ZFR: variants seen among roughly 807,000 people sequenced by gnomAD.
The protein encoded by ZFR is zinc finger RNA binding protein.
A neutral mutation model predicts 130.7 loss-of-function variants in ZFR; 19 were observed. That is an observed-to-expected ratio of 0.15 (90% confidence interval 0.10 to 0.21). The LOEUF (loss-of-function observed/expected upper bound fraction) is 0.21. ZFR is among the 10% of genes least tolerant of loss of function. The probability of loss-of-function intolerance (pLI) is 1.00; values close to 1 mark genes in which losing one functional copy is unlikely to be tolerated. For synonymous variants in ZFR, 466 were observed against 456.9 expected (o/e 1.02, Z -0.25); for missense variants, 872 against 1,321.5 (o/e 0.66, Z 5.27).
intron 2 of ZFR, among the ~76,000 whole-genome samples, chr5:32,438,132 CATTT>C (rs557051881): frequency 1.0e-3 from 159 of 151,826 alleles, no homozygotes; most frequent in Non-Finnish European, 1.9e-3. Flanking sequence ...TTGAATACTT[CATTT>C]GTTTTATTCC....
intron 5 of ZFR, among the ~76,000 whole-genome samples, chr5:32,414,264 G>A (rs1753773817): frequency 1.3e-5 from 2 of 152,280 alleles, no homozygotes; most frequent in South Asian, 4.1e-4. Flanking sequence ...AGAAATCTCT[G>A]AGAAATAAAA....
intron 2 of ZFR, among the ~76,000 whole-genome samples, chr5:32,440,961 G>A (rs1238315496): frequency 1.3e-5 from 2 of 152,070 alleles, no homozygotes; most frequent in African/African-American, 2.4e-5. Context: ...AGAAAACTAA[G>A]AGCTGGAATT....
intron 1 of ZFR, 49 bp from the exon 2 acceptor site, chr5:32,444,377 G>A: frequency 2.0e-6 from 3 of 1,515,188 alleles, no homozygotes; most frequent in Non-Finnish European, 2.7e-6. Context: ...AAGAGACACA[G>A]AGGAGCCGAG....
chr5:32,387,790 T>C (rs1384549632), intron 13 of ZFR, 91 bp from the exon 14 acceptor site: 3 of 1,304,306 alleles, frequency 2.3e-6, no homozygotes, highest in African/African-American at 1.5e-5. Flanking sequence ...GAAATAACTT[T>C]TGTGCCATTA....
At chr5:32,422,831 A>G (rs1342950951) in intron 2 of ZFR, among the ~76,000 whole-genome samples, 4 of 140,540 alleles carry the variant, frequency 2.8e-5, no homozygotes, top group African/African-American at 1.0e-4. Flanking sequence ...AAGGAAGCCA[A>G]GAAACACTTC....
chr5:32,397,958 C>T (rs1753357483), intron 9 of ZFR, among the ~76,000 whole-genome samples: 1 of 138,780 alleles, frequency 7.2e-6, no homozygotes, highest in African/African-American at 2.7e-5. Context: ...CCTGGGTTCA[C>T]ACCATTCTCC....
At chr5:32,364,778 C>T (rs1752506719) in intron 17 of ZFR, 1 of 152,050 alleles carries the variant, frequency 6.6e-6, no homozygotes, top group South Asian at 2.1e-4. Context: ...AACAAAAACC[C>T]AATGCAGGGA....
intron 2 of ZFR, among the ~76,000 whole-genome samples, chr5:32,426,467 A>G (rs1055324484): frequency 1.6e-4 from 24 of 152,210 alleles, no homozygotes; most frequent in Admixed American, 2.6e-4. Context: ...TGAAAAGCCC[A>G]TAGCTAACCT....
At chr5:32,437,042 T>C (rs1212616350) in intron 2 of ZFR, among the ~76,000 whole-genome samples, 1 of 152,182 alleles carries the variant, frequency 6.6e-6, no homozygotes, top group Admixed American at 6.5e-5. Flanking sequence ...TCAGCTTAGG[T>C]AGTCTGACTT....
intron 2 of ZFR, among the ~76,000 whole-genome samples, chr5:32,420,345 A>G (rs1753922928): frequency 6.6e-6 from 1 of 151,416 alleles, no homozygotes. Flanking sequence ...TACATTATAT[A>G]GTCACACGTT....
At position 32,370,089 on chromosome 5, in the gene ZFR, A is replaced by ATT. The variant is rs933446377; in HGVS notation, c.2836-5816_2836-5815dup. The stretch of plus-strand genomic sequence containing the variant: ...TCAACATTAATCAATACAGTGGCAG[A>ATT]TTTTTTTTTTTTTTTTTTTTTTGAG... On this transcript the variant is annotated intron_variant, in intron 17 of 19. Coordinates refer to ENST00000265069, the MANE Select transcript of ZFR (RefSeq NM_016107.5). Among the ~76,000 whole-genome samples the ATT allele has an allele frequency of 7.1e-3, 863 of 121,850 alleles. 13 individuals carry two copies. The highest frequency in any genetic ancestry group is 0.034 in the Middle Eastern group (8 of 232). 79.9% of individuals were successfully genotyped at this position (121,850 alleles called of 152,430 possible).
chr5:32,358,609 G>C (rs1249650399), intron 19 of ZFR, among the ~76,000 whole-genome samples: 1 of 151,652 alleles, frequency 6.6e-6, no homozygotes, highest in East Asian at 1.9e-4. Context: ...CAGCCTGGGC[G>C]ACACGGCGAG....
intron 2 of ZFR, among the ~76,000 whole-genome samples, chr5:32,423,207 T>C (rs561633822): frequency 6.6e-6 from 1 of 152,144 alleles, no homozygotes; most frequent in East Asian, 1.9e-4. Context: ...GTGGCATGCA[T>C]CTGTAGTCTC....
Position 32,403,163 on chromosome 5 carries a change from C to T in ZFR, c.1459G>A (p.Ala487Thr). The change falls in exon 8 of 20, where the codon GCA becomes ACA. Residue 487 changes from alanine (A) to threonine (T), a missense_variant. This residue lies in a region of ZFR where 143 missense variants were observed against 137.9 expected (regional missense o/e 1.04). Transcript: ENST00000265069. ...LNSTSNTKVSAVPTNMAAKKT... is the reference protein window; with the variant it reads ...LNSTSNTKVSTVPTNMAAKKT... ...TTGGCAGCCATATTTGTAGGCACTG[C>T]TGATACTTTAGTGTTAGATGTGCTA... 3 of 1,614,168 alleles carry T rather than the reference C, an allele frequency of 1.9e-6. No homozygotes were observed. The highest frequency in any genetic ancestry group is 2.5e-6 in the Non-Finnish European group (3 of 1,180,014).
chr5:32,375,323 A>C (rs1253449743), intron 17 of ZFR, among the ~76,000 whole-genome samples: 1 of 152,264 alleles, frequency 6.6e-6, no homozygotes, highest in Non-Finnish European at 1.5e-5. Flanking sequence ...AATATCTCAA[A>C]TAAAAGGCTA....
chr5:32,377,104 C>CG (rs1752832154), intron 17 of ZFR, among the ~76,000 whole-genome samples: 1 of 142,370 alleles, frequency 7.0e-6, no homozygotes, highest in African/African-American at 2.6e-5. Context: ...TGCAGTGAGC[C>CG]AAGATCGTGC....
chr5:32,427,988 G>T (rs895730645), intron 2 of ZFR, among the ~76,000 whole-genome samples: 6 of 152,124 alleles, frequency 3.9e-5, no homozygotes, highest in African/African-American at 1.4e-4. Flanking sequence ...AGATCTAAAT[G>T]TAACAGCTAA....
intron 17 of ZFR, among the ~76,000 whole-genome samples, chr5:32,370,601 TC>T (rs1417393175): frequency 6.6e-6 from 1 of 152,176 alleles, no homozygotes; most frequent in Non-Finnish European, 1.5e-5. Flanking sequence ...GGTTTTGAAC[TC>T]CTGGCCTCAA....
At chr5:32,358,438 A>G (rs1442216020) in intron 19 of ZFR, among the ~76,000 whole-genome samples, 4 of 152,190 alleles carry the variant, frequency 2.6e-5, no homozygotes, top group African/African-American at 9.6e-5. Flanking sequence ...AGACTGGCGC[A>G]TCACGAGGTC....
Sources: gnomAD v4.1 joint callset for allele counts (sites outside exome capture counted in the v4.1 genomes callset) on GRCh38, gnomAD v4.1.1 for gene constraint, gnomAD v4.1.1 regional missense constraint, MANE v1.5 for transcripts, NCBI Gene and HGNC (gene_info 2026-07-23, HGNC 2026-07-21) for gene names.